Variants in TNS3 observed in about 807,000 individuals in gnomAD.
The protein encoded by TNS3 is tensin 3.
Under a neutral mutation model 140.9 loss-of-function variants are expected in TNS3, and 45 were observed. That is an observed-to-expected ratio of 0.32 (90% CI 0.25 to 0.41). The LOEUF (loss-of-function observed/expected upper bound fraction) is 0.41, where lower values mean the gene tolerates loss of function less well. Ranked by LOEUF, TNS3 falls within the 10% of genes least tolerant of loss-of-function variation. The probability of loss-of-function intolerance (pLI) is 1.00; values close to 1 mark genes in which losing one functional copy is unlikely to be tolerated. For missense variants in TNS3, 1,716 were observed against 1,906.7 expected (o/e 0.90, Z 1.86); for synonymous variants, 815 against 788.4 (o/e 1.03, Z -0.56).
At position 47,484,559 on chromosome 7, in the gene TNS3, A is replaced by T. The variant is rs116345222; in HGVS notation, c.-114-3418T>A. Among the ~76,000 whole-genome samples, 1,132 of 152,298 alleles carry T rather than the reference A, an allele frequency of 7.4e-3. 12 individuals are homozygous for T. Among genetic ancestry groups the T allele is most frequent in the African/African-American group, 0.026 (1,067 of 41,568 alleles). ...CCAAGGAACCTATGGGGACTGTGCG[A>T]CGGTGCTATCAGCTGCATTTGCTGG... On this transcript the variant is annotated intron_variant, in intron 3 of 30. Coordinates refer to ENST00000311160, the MANE Select transcript of TNS3 (RefSeq NM_022748.12).
chr7:47,307,840 T>C (rs1341710774), intron 20 of TNS3, among the ~76,000 whole-genome samples: 4 of 152,244 alleles, frequency 2.6e-5, no homozygotes, highest in Non-Finnish European at 5.9e-5. Flanking sequence ...TTATATATTT[T>C]AGATGCAAGT....
In TNS3 at chr7:47,289,452, T is replaced by C. The variant is rs548406153; in HGVS notation, c.3928+2503A>G. On this transcript the variant is annotated intron_variant, in intron 27 of 30. Transcript: ENST00000311160. ...ACAGAACCACAAGAGCCCTATGGTGTGTGGTTTGTTTACAACCTTCTTAAA... is the reference window on the plus strand; with the variant it reads ...ACAGAACCACAAGAGCCCTATGGTGCGTGGTTTGTTTACAACCTTCTTAAA... Among the ~76,000 whole-genome samples, 27 of 152,344 alleles carry C rather than the reference T, an allele frequency of 1.8e-4. No individual in the cohort carries two copies. The South Asian group carries it at 5.2e-3, about 29-fold the overall frequency.
At chr7:47,334,865 C>T (rs1788543316) in intron 20 of TNS3, among the ~76,000 whole-genome samples, 1 of 152,090 alleles carries the variant, frequency 6.6e-6, no homozygotes, top group Non-Finnish European at 1.5e-5. Flanking sequence ...CCTTGGCCTC[C>T]TAAGGTGCTG....
At chr7:47,332,228 T>C (rs1181442714) in intron 20 of TNS3, among the ~76,000 whole-genome samples, 1 of 152,226 alleles carries the variant, frequency 6.6e-6, no homozygotes, top group African/African-American at 2.4e-5. Flanking sequence ...GGCAGGCTGC[T>C]GTCTAGAGGG....
At chr7:47,498,297 C>T (rs546999542) in intron 3 of TNS3, among the ~76,000 whole-genome samples, 3 of 152,364 alleles carry the variant, frequency 2.0e-5, no homozygotes, top group Middle Eastern at 6.8e-3. Flanking sequence ...AAGTTACCCT[C>T]ATTTCACAGA....
intron 13 of TNS3, among the ~76,000 whole-genome samples, chr7:47,401,896 C>T (rs1387176749): frequency 1.3e-5 from 2 of 152,224 alleles, no homozygotes; most frequent in Admixed American, 1.3e-4. Context: ...GCTCTCAGAC[C>T]AAATCGTGCA....
intron 4 of TNS3, among the ~76,000 whole-genome samples, chr7:47,472,707 C>T (rs1797006858): frequency 6.6e-6 from 1 of 152,210 alleles, no homozygotes; most frequent in African/African-American, 2.4e-5. Flanking sequence ...CTCAGCACAT[C>T]TTCAGCCTGT....
At position 47,303,088 on chromosome 7, in the gene TNS3, C is replaced by T; in HGVS notation, c.3319G>A (p.Gly1107Arg). 1 of 1,614,146 alleles carries T rather than the reference C, an allele frequency of 6.2e-7. No homozygotes were observed. Among genetic ancestry groups the T allele is most frequent in the Non-Finnish European group, 8.5e-7 (1 of 1,180,004 alleles). ...GAGACTGAGCCCAAAGAACGATCCC[C>T]CTCCGAGGCCCGCTTCTTCTCAGGG... ...PLPEKKRASEGDRSLGSVSPS... is the reference protein window; with the variant it reads ...PLPEKKRASERDRSLGSVSPS... Residue 1107 changes from glycine to arginine, a missense_variant, in exon 22 of 31, where the codon GGG (glycine) becomes AGG (arginine). Transcript: ENST00000311160.
chr7:47,580,043 G>C (rs1015757191), intron 1 of TNS3: 2 of 82,444 alleles, frequency 2.4e-5, no homozygotes, highest in African/African-American at 2.8e-5. Context: ...GGAATAAGTA[G>C]TGCCCTGGGG....
intron 17 of TNS3, among the ~76,000 whole-genome samples, chr7:47,357,196 G>A (rs1790043946): frequency 6.6e-6 from 1 of 152,118 alleles, no homozygotes; most frequent in Non-Finnish European, 1.5e-5. Flanking sequence ...TTCTATCTGG[G>A]CACTAGAAGG....
intron 2 of TNS3, among the ~76,000 whole-genome samples, chr7:47,528,555 G>A (rs1799282595): frequency 6.6e-6 from 1 of 152,118 alleles, no homozygotes; most frequent in African/African-American, 2.4e-5. Flanking sequence ...TTATTAATGT[G>A]CAGTCACAAA....
chr7:47,397,505 T>C (rs1421522275), intron 15 of TNS3, among the ~76,000 whole-genome samples: 1 of 152,218 alleles, frequency 6.6e-6, no homozygotes, highest in Non-Finnish European at 1.5e-5. Context: ...GAAATATATT[T>C]TTTAGGGAAA....
chr7:47,404,339 T>G (rs1793324260), intron 13 of TNS3, among the ~76,000 whole-genome samples: 1 of 152,236 alleles, frequency 6.6e-6, no homozygotes, highest in Non-Finnish European at 1.5e-5. Flanking sequence ...TTGACCTGGC[T>G]ATGTTGTTAT....
At chr7:47,559,539 C>T (rs1196212140) in intron 1 of TNS3, among the ~76,000 whole-genome samples, 5 of 152,074 alleles carry the variant, frequency 3.3e-5, no homozygotes, top group Non-Finnish European at 5.9e-5. Context: ...ATCATCTTTA[C>T]GCACCCCAGG....
At chr7:47,394,230 C>T (rs1216858070) in intron 16 of TNS3, among the ~76,000 whole-genome samples, 2 of 152,222 alleles carry the variant, frequency 1.3e-5, no homozygotes, top group Admixed American at 1.3e-4. Context: ...TATGTCAAAA[C>T]CTAATCCCCA....
chr7:47,283,687 A>C lies in TNS3; in HGVS notation c.4097+10T>G. On this transcript the variant is annotated intron_variant, in intron 28 of 30. Coordinates refer to ENST00000311160, the MANE Select transcript of TNS3 (RefSeq NM_022748.12). The stretch of plus-strand genomic sequence containing the variant: ...TGCTGGACGGCTCCTGCCTCCCTCT[A>C]GGCACTCACTTCCTCTGATTGTCTG... The C allele has an allele frequency of 1.3e-6, 2 of 1,547,018 alleles. No homozygotes were observed. Among genetic ancestry groups the C allele is most frequent in the South Asian group, 2.5e-5 (2 of 80,012 alleles).
At chr7:47,376,854 T>G (rs1791421582) in intron 16 of TNS3, among the ~76,000 whole-genome samples, 1 of 152,174 alleles carries the variant, frequency 6.6e-6, no homozygotes, top group African/African-American at 2.4e-5. Flanking sequence ...CAGACCCTTG[T>G]GGTGTCACAG....
At chr7:47,554,152 C>T (rs1378255043) in intron 1 of TNS3, among the ~76,000 whole-genome samples, 2 of 150,264 alleles carry the variant, frequency 1.3e-5, no homozygotes, top group African/African-American at 4.9e-5. Context: ...GGTACAGTGG[C>T]TCACACCTGT....
intron 2 of TNS3, among the ~76,000 whole-genome samples, chr7:47,526,287 G>A (rs759955888): frequency 6.6e-6 from 1 of 152,190 alleles, no homozygotes; most frequent in Non-Finnish European, 1.5e-5. Flanking sequence ...AAGCCACTGT[G>A]GTAAGTTGTG....
Sources: gnomAD v4.1 joint callset for allele counts (sites outside exome capture counted in the v4.1 genomes callset) on GRCh38, gnomAD v4.1.1 for gene constraint, MANE v1.5 for transcripts, NCBI Gene and HGNC (gene_info 2026-07-23, HGNC 2026-07-21) for gene names.